MTSS1: variants seen among roughly 807,000 people sequenced by gnomAD.
MTSS1 encodes the protein MTSS I-BAR domain containing 1, also known as protein MTSS 1.
MTSS1 carries 18 observed loss-of-function variants against 79.0 expected under a neutral mutation model. The observed-to-expected ratio is 0.23, with a 90% confidence interval of 0.16 to 0.34. The LOEUF (loss-of-function observed/expected upper bound fraction) is 0.34, where lower values mean the gene tolerates loss of function less well. Ranked by LOEUF, MTSS1 falls within the 10% of genes least tolerant of loss-of-function variation. The probability of loss-of-function intolerance (pLI) is 1.00; values close to 1 mark genes in which losing one functional copy is unlikely to be tolerated. For missense variants in MTSS1, 815 were observed against 986.2 expected, an observed-to-expected ratio of 0.83 and a Z score of 2.33; for synonymous variants, 341 against 368.6, an observed-to-expected ratio of 0.93 and a Z score of 0.86.
At chr8:124,577,281 A>G (rs1829142883) in intron 6 of MTSS1, among the ~76,000 whole-genome samples, 2 of 152,312 alleles carry the variant, frequency 1.3e-5, no homozygotes, top group South Asian at 4.1e-4. Context: ...ACAGGGTCTC[A>G]CTCTGTCACC....
rs999583552 is a variant in MTSS1 at position 124,611,739 on chromosome 8, C to A, written c.209-20504G>T. ...GAATCAGAAATATTAAAAGGAAATA[C>A]CCTGTTTTTAAAACTCCAGTTTACT... On this transcript the variant is annotated intron_variant, in intron 3 of 13. Transcript: ENST00000518547. Among the ~76,000 whole-genome samples the A allele has an allele frequency of 2.6e-5, 4 of 152,276 alleles. No homozygotes were observed. In the Middle Eastern group the frequency reaches 0.01, roughly 388 times the overall value.
intron 1 of MTSS1, among the ~76,000 whole-genome samples, chr8:124,710,766 T>A (rs1831045261): frequency 6.6e-6 from 1 of 152,090 alleles, no homozygotes; most frequent in African/African-American, 2.4e-5. Flanking sequence ...CCAGCGCCAC[T>A]GGGACAGCTG....
chr8:124,697,840 T>A (rs6995812), intron 3 of MTSS1, among the ~76,000 whole-genome samples: 33,583 of 152,068 alleles, frequency 0.22, 3,831 homozygotes, highest in Admixed American at 0.25. Context: ...GCTGACATAC[T>A]GGATGAAGAA....
At chr8:124,643,240 T>C (rs368298674) in intron 3 of MTSS1, among the ~76,000 whole-genome samples, 1 of 152,050 alleles carries the variant, frequency 6.6e-6, no homozygotes, top group Non-Finnish European at 1.5e-5. Context: ...AAATAAGATA[T>C]GCAAAAAGAT....
At chr8:124,570,094 C>G (rs544020009) in intron 6 of MTSS1, among the ~76,000 whole-genome samples, 5 of 152,280 alleles carry the variant, frequency 3.3e-5, no homozygotes, top group African/African-American at 1.2e-4. Flanking sequence ...TAATTTGGAG[C>G]AAGAGGCAAT....
At chr8:124,656,010 A>C (rs1820866182) in intron 3 of MTSS1, among the ~76,000 whole-genome samples, 1 of 152,240 alleles carries the variant, frequency 6.6e-6, no homozygotes, top group South Asian at 2.1e-4. Flanking sequence ...GAAGAAAATA[A>C]AATCTTTGAA....
At chr8:124,692,299 G>C (rs1198833633) in intron 3 of MTSS1, among the ~76,000 whole-genome samples, 1 of 151,560 alleles carries the variant, frequency 6.6e-6, no homozygotes, top group South Asian at 2.1e-4. Context: ...CAAATGATTC[G>C]AACTTTACAC....
At chr8:124,663,190 G>A (rs1029158545) in intron 3 of MTSS1, among the ~76,000 whole-genome samples, 3 of 152,148 alleles carry the variant, frequency 2.0e-5, no homozygotes, top group Non-Finnish European at 4.4e-5. Flanking sequence ...CAGCAGCATG[G>A]CCAGACACTC....
chr8:124,630,899 T>C (rs933879229), intron 3 of MTSS1, among the ~76,000 whole-genome samples: 1 of 152,226 alleles, frequency 6.6e-6, no homozygotes, highest in South Asian at 2.1e-4. Context: ...TTGGAGGCCT[T>C]TGGCCATGGC....
intron 3 of MTSS1, among the ~76,000 whole-genome samples, chr8:124,657,997 G>C (rs916833873): frequency 1.3e-5 from 2 of 152,164 alleles, no homozygotes; most frequent in Non-Finnish European, 2.9e-5. Context: ...TATAAGAAAA[G>C]ACATGAGAAT....
chr8:124,602,198 T>TATATATATACACACACACAC (rs1165589331), intron 3 of MTSS1, among the ~76,000 whole-genome samples: 1 of 143,106 alleles, frequency 7.0e-6, no homozygotes. Flanking sequence ...CATATATATA[T>TATATATATACACACACACAC]ATATATATAA....
At chr8:124,656,768 T>G in intron 3 of MTSS1, among the ~76,000 whole-genome samples, 1 of 114,380 alleles carries the variant, frequency 8.7e-6, no homozygotes, top group African/African-American at 3.5e-5. Flanking sequence ...AAAGAGTGAG[T>G]GAGACTCCAT....
At chr8:124,682,578 C>T (rs1016895493) in intron 3 of MTSS1, among the ~76,000 whole-genome samples, 1 of 152,184 alleles carries the variant, frequency 6.6e-6, no homozygotes, top group Non-Finnish European at 1.5e-5. Context: ...GGTAAGAATA[C>T]AGTAGACAGG....
intron 3 of MTSS1, among the ~76,000 whole-genome samples, chr8:124,684,968 GC>G: frequency 6.6e-6 from 1 of 152,286 alleles, no homozygotes; most frequent in African/African-American, 2.4e-5. Flanking sequence ...ACAAAACACT[GC>G]CAGAAGCTGG....
intron 6 of MTSS1, among the ~76,000 whole-genome samples, chr8:124,571,473 T>TC (rs1176055548): frequency 1.3e-5 from 2 of 152,116 alleles, no homozygotes; most frequent in Admixed American, 6.6e-5. Context: ...TCAGGGCTGG[T>TC]CTAGAGGGCT....
At chr8:124,554,754 AAT>A (rs1823223879) in intron 13 of MTSS1, among the ~76,000 whole-genome samples, 1 of 152,250 alleles carries the variant, frequency 6.6e-6, no homozygotes, top group South Asian at 2.1e-4. Flanking sequence ...ACTTCTGTAA[AAT>A]AGGGGTGAAA....
At chr8:124,624,408 A>T (rs946647989) in intron 3 of MTSS1, among the ~76,000 whole-genome samples, 2 of 152,156 alleles carry the variant, frequency 1.3e-5, no homozygotes, top group Non-Finnish European at 2.9e-5. Context: ...CATTCAGAGA[A>T]CTGGTGAGCA....
intron 3 of MTSS1, among the ~76,000 whole-genome samples, chr8:124,605,640 G>GC (rs1554667806): frequency 3.2e-5 from 4 of 126,470 alleles, no homozygotes; most frequent in South Asian, 2.8e-4. Flanking sequence ...CCTCGCGCTG[G>GC]GCTCCCGTTG....
intron 6 of MTSS1, among the ~76,000 whole-genome samples, chr8:124,569,619 C>G (rs955616065): frequency 6.6e-6 from 1 of 152,332 alleles, no homozygotes; most frequent in South Asian, 2.1e-4. Flanking sequence ...ATCACTCAAA[C>G]CAGAGAGATA....
Sources: gnomAD v4.1 joint callset for allele counts (sites outside exome capture counted in the v4.1 genomes callset) on GRCh38, gnomAD v4.1.1 for gene constraint, MANE v1.5 for transcripts, NCBI Gene and HGNC (gene_info 2026-07-23, HGNC 2026-07-21) for gene names.